The following SLC1A2 variants were observed in gnomAD, a reference collection of about 807,000 sequenced individuals.
The protein encoded by SLC1A2 is solute carrier family 1 member 2, also known as excitatory amino acid transporter 2.
A neutral mutation model predicts 48.8 loss-of-function variants in SLC1A2; 15 were observed. The ratio of observed to expected loss-of-function variants is 0.31; its 90% CI spans 0.21 to 0.47. The LOEUF (loss-of-function observed/expected upper bound fraction) is 0.47. Among genes scored for constraint, SLC1A2 ranks in the 20% least tolerant of loss-of-function variants. The pLI is 0.99. For missense variants in SLC1A2, 502 were observed against 730.5 expected, an observed-to-expected ratio of 0.69 and a Z score of 3.61; for synonymous variants, 279 against 272.6, an observed-to-expected ratio of 1.02 and a Z score of -0.23.
At chr11:35,350,730 T>C (rs942278665) in intron 1 of SLC1A2, among the ~76,000 whole-genome samples, 2 of 152,192 alleles carry the variant, frequency 1.3e-5, no homozygotes, top group Admixed American at 6.5e-5. Flanking sequence ...TAAATACTTA[T>C]AGCTGCAGCT....
intron 1 of SLC1A2, among the ~76,000 whole-genome samples, chr11:35,340,696 T>C (rs1468174929): frequency 6.6e-6 from 1 of 152,176 alleles, no homozygotes; most frequent in Non-Finnish European, 1.5e-5. Context: ...TTGGCCTGGT[T>C]CCCCCCTCCC....
At chr11:35,309,936 G>C (rs749972093) in intron 4 of SLC1A2, among the ~76,000 whole-genome samples, 1 of 152,148 alleles carries the variant, frequency 6.6e-6, no homozygotes, top group African/African-American at 2.4e-5. Flanking sequence ...ATGAATTTTG[G>C]CAATAGAAAG....
At chr11:35,272,439 C>A (rs903802773) in intron 9 of SLC1A2, among the ~76,000 whole-genome samples, 8 of 152,154 alleles carry the variant, frequency 5.3e-5, no homozygotes, top group Admixed American at 3.3e-4. Flanking sequence ...TCCCAGGATG[C>A]CCAGCCAGGA....
intron 1 of SLC1A2, among the ~76,000 whole-genome samples, chr11:35,417,719 C>A (rs972281225): frequency 2.0e-5 from 3 of 152,158 alleles, no homozygotes; most frequent in Non-Finnish European, 4.4e-5. Flanking sequence ...ATGCCAGATG[C>A]CTTTGGAAGG....
intron 9 of SLC1A2, among the ~76,000 whole-genome samples, chr11:35,272,891 G>A (rs1389479359): frequency 6.6e-6 from 1 of 152,176 alleles, no homozygotes; most frequent in Non-Finnish European, 1.5e-5. Flanking sequence ...ACTTCACACT[G>A]AGTCACTGGG....
chr11:35,397,215 C>A (rs993547405), intron 1 of SLC1A2, among the ~76,000 whole-genome samples: 1 of 150,804 alleles, frequency 6.6e-6, no homozygotes, highest in African/African-American at 2.4e-5. Context: ...CAGCCCACAT[C>A]GCCAAGTCAA....
intron 1 of SLC1A2, among the ~76,000 whole-genome samples, chr11:35,343,275 A>C (rs2135045225): frequency 6.6e-6 from 1 of 152,374 alleles, no homozygotes; most frequent in South Asian, 2.1e-4. Flanking sequence ...CCAACATAGC[A>C]CTGGATTTGA....
intron 1 of SLC1A2, among the ~76,000 whole-genome samples, chr11:35,346,134 T>C (rs1472202004): frequency 1.3e-5 from 2 of 152,172 alleles, no homozygotes; most frequent in Non-Finnish European, 2.9e-5. Flanking sequence ...GGTATGCATG[T>C]GCCATGGTGG....
intron 3 of SLC1A2, 61 bp downstream of exon 3, chr11:35,314,962 A>T: frequency 8.2e-7 from 1 of 1,224,070 alleles, no homozygotes; most frequent in Non-Finnish European, 1.2e-6. Context: ...TTCTACAGTT[A>T]ATTAAAAGCC....
chr11:35,283,558 T>C (rs867291124), intron 8 of SLC1A2, among the ~76,000 whole-genome samples: 1 of 151,780 alleles, frequency 6.6e-6, no homozygotes, highest in East Asian at 1.9e-4. Flanking sequence ...GATAAATTTA[T>C]AGAATTTAAG....
At chr11:35,304,930 A>T (rs182676041) in intron 5 of SLC1A2, among the ~76,000 whole-genome samples, 1 of 152,228 alleles carries the variant, frequency 6.6e-6, no homozygotes, top group Non-Finnish European at 1.5e-5. Flanking sequence ...TGACAACCCA[A>T]CTAAGGAGAC....
At chr11:35,379,032 C>A (rs193168546) in intron 1 of SLC1A2, among the ~76,000 whole-genome samples, 9 of 152,254 alleles carry the variant, frequency 5.9e-5, no homozygotes, top group African/African-American at 1.9e-4. Flanking sequence ...AGTTCGAGAC[C>A]AGCCTGGCCA....
intron 1 of SLC1A2, among the ~76,000 whole-genome samples, chr11:35,389,432 TTTC>T (rs1329421518): frequency 1.5e-5 from 2 of 136,700 alleles, no homozygotes; most frequent in Non-Finnish European, 3.2e-5. Flanking sequence ...CTATTAGTAT[TTTC>T]TTCTTCTTCT....
At chr11:35,399,412 C>T (rs956790320) in intron 1 of SLC1A2, among the ~76,000 whole-genome samples, 1 of 152,204 alleles carries the variant, frequency 6.6e-6, no homozygotes, top group Non-Finnish European at 1.5e-5. Flanking sequence ...ATTGATTTCT[C>T]TAAAAGATTT....
In SLC1A2 at chr11:35,361,274, G is replaced by A. The variant is rs187702362; in HGVS notation, c.18-43758C>T. Among the ~76,000 whole-genome samples, 5 of 152,296 alleles carry A rather than the reference G, an allele frequency of 3.3e-5. No homozygotes were observed. The East Asian group carries it at 9.6e-4, about 29-fold the overall frequency. Reference sequence around the variant, plus strand: ...TACATTAGTTTATTAAAGGCTCTGAGAAATTCTGCAGTGAAGAAACATTCA... The same window carrying A: ...TACATTAGTTTATTAAAGGCTCTGAAAAATTCTGCAGTGAAGAAACATTCA... On this transcript the variant is annotated intron_variant, in intron 1 of 10. Coordinates refer to ENST00000278379, the MANE Select transcript of SLC1A2 (RefSeq NM_004171.4).
rs926995656 is a variant in SLC1A2 at position 35,258,697 on chromosome 11, T to C, written c.*2197A>G. 1 of 152,458 alleles carries C rather than the reference T, an allele frequency of 6.6e-6. No homozygotes were observed. Among genetic ancestry groups the C allele is most frequent in the Non-Finnish European group, 1.5e-5 (1 of 68,218 alleles). 9.4% of individuals were successfully genotyped at this position (152,458 alleles called of 1,614,324 possible). A position where few individuals can be genotyped will look rare whatever the true frequency, so the allele number is the denominator to read the frequency against. On this transcript the variant is annotated 3_prime_UTR_variant, in exon 11 of 11. Coordinates refer to ENST00000278379, the MANE Select transcript of SLC1A2 (RefSeq NM_004171.4). ...TGGCTCACGCCTGTAATCCCAGCAC[T>C]TTGGGAGGCCATGGCGGGTGGATCA...
chr11:35,396,934 T>A (rs1475152530), intron 1 of SLC1A2, among the ~76,000 whole-genome samples: 4 of 150,832 alleles, frequency 2.7e-5, no homozygotes, highest in Non-Finnish European at 4.4e-5. Flanking sequence ...CACAATTGCT[T>A]CAAAGAGAAT....
intron 1 of SLC1A2, among the ~76,000 whole-genome samples, chr11:35,353,953 A>C (rs1375389369): frequency 3.9e-5 from 6 of 152,188 alleles, no homozygotes; most frequent in Non-Finnish European, 8.8e-5. Flanking sequence ...GGAGGATTTC[A>C]ACAGACAGCA....
At chr11:35,336,083 A>G (rs1052647274) in intron 1 of SLC1A2, among the ~76,000 whole-genome samples, 1 of 150,192 alleles carries the variant, frequency 6.7e-6, no homozygotes, top group Non-Finnish European at 1.5e-5. Flanking sequence ...ACCAAACACC[A>G]CATGTTTTCA....
Sources: gnomAD v4.1 joint callset for allele counts (sites outside exome capture counted in the v4.1 genomes callset) on GRCh38, gnomAD v4.1.1 for gene constraint, MANE v1.5 for transcripts, NCBI Gene and HGNC (gene_info 2026-07-23, HGNC 2026-07-21) for gene names.